Variants in AKT3 observed in about 807,000 individuals in gnomAD.
The protein encoded by AKT3 is RAC-gamma serine/threonine-protein kinase.
Under a neutral mutation model 65.3 loss-of-function variants are expected in AKT3, and 15 were observed. The ratio of observed to expected loss-of-function variants is 0.23; its 90% CI spans 0.15 to 0.35. The LOEUF is 0.35. Among genes scored for constraint, AKT3 ranks in the 10% least tolerant of loss-of-function variants. The probability of loss-of-function intolerance (pLI) is 1.00; values close to 1 mark genes in which losing one functional copy is unlikely to be tolerated. For synonymous variants in AKT3, 206 were observed against 183.8 expected (o/e 1.12, Z -0.98); for missense variants, 243 against 576.5 (o/e 0.42, Z 5.92).
Position 243,750,493 on chromosome 1 carries a change from C to G in AKT3, c.47-54777G>C, listed in dbSNP as rs535492512. On this transcript the variant is annotated intron_variant, in intron 2 of 13. Transcript: ENST00000673466. ...GCAAGCTCAATGCCTTTGTCCTCCA[C>G]TTCTGGGCATTTCTTCAAAATGTTT... Among the ~76,000 whole-genome samples the G allele has an allele frequency of 3.9e-5, 6 of 152,080 alleles. No homozygotes were observed. The East Asian group carries it at 1.2e-3, about 29-fold the overall frequency.
intron 2 of AKT3, among the ~76,000 whole-genome samples, chr1:243,827,449 T>C (rs1694242077): frequency 1.3e-5 from 2 of 152,158 alleles, no homozygotes; most frequent in African/African-American, 2.4e-5. Context: ...CCAATTTTTG[T>C]TACTTTCATT....
intron 4 of AKT3, among the ~76,000 whole-genome samples, chr1:243,650,953 G>A (rs999434388): frequency 2.0e-5 from 3 of 152,174 alleles, no homozygotes; most frequent in Admixed American, 6.6e-5. Context: ...GTCAATGGTA[G>A]CTTGATGGGG....
At chr1:243,562,326 G>C (rs927966849) in intron 10 of AKT3, among the ~76,000 whole-genome samples, 6 of 152,164 alleles carry the variant, frequency 3.9e-5, no homozygotes, top group African/African-American at 1.2e-4. Flanking sequence ...GCGGAAGGAA[G>C]AATGAGGAGC....
At chr1:243,712,324 T>C (rs942074970) in intron 2 of AKT3, among the ~76,000 whole-genome samples, 2 of 152,226 alleles carry the variant, frequency 1.3e-5, no homozygotes, top group East Asian at 1.9e-4. Context: ...TTTTTCTAGA[T>C]AGACCTGACC....
intron 2 of AKT3, among the ~76,000 whole-genome samples, chr1:243,830,679 T>C (rs927183138): frequency 5.3e-5 from 8 of 152,184 alleles, no homozygotes; most frequent in African/African-American, 1.9e-4. Flanking sequence ...AAGATTCTTC[T>C]TATAGGCTTA....
intron 2 of AKT3, among the ~76,000 whole-genome samples, chr1:243,779,015 C>T (rs1158200406): frequency 2.0e-5 from 3 of 151,870 alleles, no homozygotes; most frequent in African/African-American, 4.8e-5. Context: ...TTTACTTAGC[C>T]AATTTCCTAT....
At chr1:243,784,114 CAG>C (rs1691092365) in intron 2 of AKT3, among the ~76,000 whole-genome samples, 1 of 151,938 alleles carries the variant, frequency 6.6e-6, no homozygotes, top group Non-Finnish European at 1.5e-5. Flanking sequence ...GATGACGTGA[CAG>C]AGATGAGGGA....
At chr1:243,752,218 T>C (rs1455793872) in intron 2 of AKT3, among the ~76,000 whole-genome samples, 2 of 152,162 alleles carry the variant, frequency 1.3e-5, no homozygotes, top group Non-Finnish European at 2.9e-5. Flanking sequence ...AATACACTTA[T>C]CCAAAATCAG....
At chr1:243,514,804 C>T (rs1032769970) in intron 12 of AKT3, among the ~76,000 whole-genome samples, 4 of 151,992 alleles carry the variant, frequency 2.6e-5, no homozygotes, top group South Asian at 4.2e-4. Context: ...CCAACCCGGC[C>T]GGGGCGAACG....
chr1:243,617,684 C>T (rs1678432588), intron 6 of AKT3, among the ~76,000 whole-genome samples: 1 of 151,908 alleles, frequency 6.6e-6, no homozygotes, highest in South Asian at 2.1e-4. Context: ...TGGTGTGGGA[C>T]ATAGAGAAAG....
chr1:243,654,105 T>G (rs2147877092), intron 4 of AKT3, among the ~76,000 whole-genome samples: 1 of 152,212 alleles, frequency 6.6e-6, no homozygotes, highest in Non-Finnish European at 1.5e-5. Flanking sequence ...CCATTTCTCC[T>G]CCAATTAGCC....
intron 2 of AKT3, among the ~76,000 whole-genome samples, chr1:243,755,428 G>A (rs1434367643): frequency 1.3e-5 from 2 of 151,890 alleles, no homozygotes; most frequent in Admixed American, 6.6e-5. Flanking sequence ...CTTGTCATAT[G>A]TGCAAACCCA....
intron 2 of AKT3, among the ~76,000 whole-genome samples, chr1:243,698,417 T>C (rs1177742253): frequency 6.6e-6 from 1 of 152,004 alleles, no homozygotes; most frequent in Non-Finnish European, 1.5e-5. Context: ...AAATGTAAAA[T>C]TAAAAGAAAT....
In AKT3 at chr1:243,553,724, G is replaced by A. The variant is rs372505883; in HGVS notation, c.949-781C>T. 1.4e-4 allele frequency among the ~76,000 whole-genome samples: 21 copies of A among 152,128 alleles called. No homozygotes were observed. In the East Asian group the frequency reaches 3.1e-3, roughly 22 times the overall value. ...AGTTAGAAATGATACAAAAGTATCC[G>A]TTTGCCTATGCTGGAGCAACCTGTT... On this transcript the variant is annotated intron_variant, in intron 10 of 13. Transcript: ENST00000673466.
At position 243,503,500 on chromosome 1, in the gene AKT3, A is replaced by G. The variant is rs1387795611; in HGVS notation, c.*1749T>C. The G allele has an allele frequency of 4.3e-6, 1 of 233,294 alleles. No individual in the cohort carries two copies. The highest frequency in any genetic ancestry group is 5.6e-5 in the Admixed American group (1 of 17,770). The allele number at this position is 233,294 out of a possible 1,614,324, so 14.5% of individuals were successfully genotyped here. A position where few individuals can be genotyped will look rare whatever the true frequency, so the allele number is the denominator to read the frequency against. ...TTCCATGATCACTCCGCGGAGTAGG[A>G]TGGCCTTCTGCTTGCCGCAAGAGTG... On this transcript the variant is annotated 3_prime_UTR_variant, in exon 14 of 14. Coordinates refer to ENST00000673466, the MANE Select transcript of AKT3 (RefSeq NM_005465.7).
chr1:243,617,910 A>AT (rs1437668537), intron 6 of AKT3, among the ~76,000 whole-genome samples: 2 of 152,122 alleles, frequency 1.3e-5, no homozygotes, highest in East Asian at 1.9e-4. Context: ...AATCACAGAC[A>AT]TTTTAATAGG....
intron 2 of AKT3, 74 bp downstream of exon 2, chr1:243,843,051 G>T: frequency 6.8e-7 from 1 of 1,475,380 alleles, no homozygotes; most frequent in Non-Finnish European, 9.4e-7. Context: ...TCAGAAAAAA[G>T]ATCAACTTCT....
At chr1:243,711,085 C>A (rs1686118832) in intron 2 of AKT3, among the ~76,000 whole-genome samples, 1 of 152,178 alleles carries the variant, frequency 6.6e-6, no homozygotes. Context: ...CTTTGGGAGG[C>A]CAAGGCGGGT....
downstream of AKT3, among the ~76,000 whole-genome samples, chr1:243,496,220 T>A (rs1277737210): frequency 2.6e-5 from 4 of 152,184 alleles, no homozygotes; most frequent in Admixed American, 2.6e-4. Context: ...GAAATGAACT[T>A]CTTCTCAGGC....
Sources: allele counts gnomAD v4.1 joint callset (sites outside exome capture counted in the v4.1 genomes callset), GRCh38; gene constraint gnomAD v4.1.1; transcripts MANE v1.5; gene names NCBI Gene and HGNC (gene_info 2026-07-23, HGNC 2026-07-21).